Variants in WDPCP observed in about 807,000 individuals in gnomAD.
WDPCP encodes WD repeat-containing and planar cell polarity effector protein fritz homolog.
A neutral mutation model predicts 93.1 loss-of-function variants in WDPCP; 71 were observed. That is an observed-to-expected ratio of 0.76 (90% CI 0.63 to 0.93). The LOEUF is 0.93. Ranked by LOEUF, WDPCP falls within the 40% of genes least tolerant of loss-of-function variation. The pLI, the probability that WDPCP is intolerant of heterozygous loss-of-function variation, is 0.00. For synonymous variants in WDPCP, 315 were observed against 315.0 expected, an observed-to-expected ratio of 1.00 and a Z score of 0.00; for missense variants, 844 against 887.4, an observed-to-expected ratio of 0.95 and a Z score of 0.62.
intron 12 of WDPCP, among the ~76,000 whole-genome samples, chr2:63,329,542 C>T (rs1191414302): frequency 6.6e-6 from 1 of 152,112 alleles, no homozygotes. Flanking sequence ...CCTCACAGAA[C>T]TTCCTAATTT....
chr2:63,788,874 C>A (rs1430939983), intron 2 of WDPCP, among the ~76,000 whole-genome samples: 1 of 152,120 alleles, frequency 6.6e-6, no homozygotes, highest in Non-Finnish European at 1.5e-5. Flanking sequence ...TTCAGTATCA[C>A]ACATATCTAT....
At chr2:63,256,786 G>A (rs7349440) in intron 14 of WDPCP, among the ~76,000 whole-genome samples, 29,017 of 152,052 alleles carry the variant, frequency 0.19, 3,520 homozygotes, top group Non-Finnish European at 0.28. Context: ...TGCAACATAC[G>A]AAAGATTCTC....
intron 6 of WDPCP, among the ~76,000 whole-genome samples, chr2:63,470,050 C>G (rs750623898): frequency 3.3e-5 from 5 of 152,280 alleles, no homozygotes; most frequent in Non-Finnish European, 5.9e-5. Context: ...ACACTCCCTT[C>G]ATTGTGCTCT....
Position 63,728,897 on chromosome 2 carries a change from A to T in WDPCP, n.309-78059T>A, listed in dbSNP as rs911702482. 3.3e-5 allele frequency among the ~76,000 whole-genome samples: 5 copies of T among 152,340 alleles called. No homozygotes were observed. In the East Asian group the frequency reaches 9.6e-4, roughly 29 times the overall value. Reference sequence around the variant, plus strand: ...TCATTCTTCATCTAACTATTCATCCAATCGCTATTTAGGACCAGCACTAAG... The same window carrying T: ...TCATTCTTCATCTAACTATTCATCCTATCGCTATTTAGGACCAGCACTAAG... On this transcript the variant is annotated intron_variant and non_coding_transcript_variant, in intron 2 of 4. Coordinates refer to the WDPCP transcript ENST00000467687.
At chr2:63,398,341 GAAGA>G (rs1693899764) in intron 10 of WDPCP, among the ~76,000 whole-genome samples, 1 of 152,130 alleles carries the variant, frequency 6.6e-6, no homozygotes, top group South Asian at 2.1e-4. Context: ...GTCTATATAT[GAAGA>G]AATATGTTAT....
chr2:63,733,651 G>C (rs1558897660), intron 2 of WDPCP, among the ~76,000 whole-genome samples: 1 of 152,222 alleles, frequency 6.6e-6, no homozygotes, highest in Admixed American at 6.5e-5. Flanking sequence ...GACTGGGATT[G>C]CCAACGACTG....
At position 63,410,109 on chromosome 2, in the gene WDPCP, T is replaced by C. The variant is rs1694915783; in HGVS notation, c.826-5452A>G. ...AGACAAAGGAAAGAATTTTAAGAGC[T>C]GTGAGACAGAAGCACGTGGTAACCT... On this transcript the variant is annotated intron_variant, in intron 9 of 17. Transcript: ENST00000272321. Among the ~76,000 whole-genome samples, 5 of 152,176 alleles carry C rather than the reference T, an allele frequency of 3.3e-5. No individual in the cohort carries two copies. In the South Asian group the frequency reaches 1.0e-3, roughly 31 times the overall value.
At chr2:63,274,424 T>C (rs1325020559) in intron 13 of WDPCP, among the ~76,000 whole-genome samples, 1 of 151,854 alleles carries the variant, frequency 6.6e-6, no homozygotes, top group African/African-American at 2.4e-5. Flanking sequence ...CTGAAGGAAC[T>C]AGAAAAGCAA....
chr2:63,613,719 GC>G (rs1709643067), intron 3 of WDPCP, among the ~76,000 whole-genome samples: 2 of 152,212 alleles, frequency 1.3e-5, no homozygotes, highest in Admixed American at 1.3e-4. Flanking sequence ...GCTTTGTCAT[GC>G]CGAACACTTC....
chr2:63,715,154 G>A (rs1669319766), intron 2 of WDPCP, among the ~76,000 whole-genome samples: 1 of 152,216 alleles, frequency 6.6e-6, no homozygotes, highest in Admixed American at 6.5e-5. Flanking sequence ...CTTGTGGTAA[G>A]TGGGTATGGA....
intron 1 of WDPCP, among the ~76,000 whole-genome samples, chr2:63,581,797 T>C (rs966588101): frequency 2.0e-5 from 3 of 151,964 alleles, no homozygotes; most frequent in African/African-American, 7.2e-5. Context: ...GTTTGAGTCC[T>C]AGAGTTTGAG....
chr2:63,473,233 A>T (rs894035257), intron 6 of WDPCP, among the ~76,000 whole-genome samples: 13 of 152,186 alleles, frequency 8.5e-5, no homozygotes, highest in African/African-American at 3.1e-4. Flanking sequence ...TTTCCAGAGA[A>T]GGATCCTCTA....
intron 2 of WDPCP, among the ~76,000 whole-genome samples, chr2:63,724,839 G>T (rs1669475152): frequency 6.6e-6 from 1 of 152,152 alleles, no homozygotes; most frequent in Non-Finnish European, 1.5e-5. Context: ...GCCCACCTCT[G>T]CCAGCACATG....
At chr2:63,582,041 A>T (rs913182883) in intron 1 of WDPCP, among the ~76,000 whole-genome samples, 2 of 151,928 alleles carry the variant, frequency 1.3e-5, no homozygotes, top group Non-Finnish European at 2.9e-5. Flanking sequence ...GACATTTAAT[A>T]AAAAAAATTA....
Position 63,588,393 on chromosome 2 carries a change from G to A in WDPCP, c.-122C>T. 2 of 1,193,948 alleles carry A rather than the reference G, an allele frequency of 1.7e-6. No homozygotes were observed. The highest frequency in any genetic ancestry group is 1.5e-5 in the African/African-American group (1 of 66,250). 74.0% of individuals were successfully genotyped at this position (1,193,948 alleles called of 1,614,324 possible). ...CGCCGCCGCCGCCACAGTTTCCTCA[G>A]GTGCTACAAAGCAGCCAGGGTGTGC... On this transcript the variant is annotated 5_prime_UTR_variant, in exon 1 of 18. Transcript: ENST00000272321.
chr2:63,258,269 T>C (rs1056069688), intron 14 of WDPCP, among the ~76,000 whole-genome samples: 5 of 152,138 alleles, frequency 3.3e-5, no homozygotes, highest in African/African-American at 1.2e-4. Context: ...GAAACAGAGA[T>C]ATGAAAGTGG....
At chr2:63,228,467 A>C (rs1259912875) in intron 14 of WDPCP, 1 of 136,588 alleles carries the variant, frequency 7.3e-6, no homozygotes, top group African/African-American at 2.8e-5. Context: ...GTTTTAGGGT[A>C]CATGTGCACA....
rs974372585 is a variant in WDPCP at position 63,427,311 on chromosome 2, A to C, written c.825+6434T>G. Among the ~76,000 whole-genome samples the C allele has an allele frequency of 2.6e-5, 4 of 152,330 alleles. No homozygotes were observed. In the South Asian group the frequency reaches 8.3e-4, roughly 32 times the overall value. On this transcript the variant is annotated intron_variant, in intron 9 of 17. Coordinates refer to ENST00000272321, the MANE Select transcript of WDPCP (RefSeq NM_015910.7). ...TTCTTCTCATCTGCACAAGGGACACACTGAAAAACTGACAACCTCCTTAGC... is the reference window on the plus strand; with the variant it reads ...TTCTTCTCATCTGCACAAGGGACACCCTGAAAAACTGACAACCTCCTTAGC...
intron 1 of WDPCP, among the ~76,000 whole-genome samples, chr2:63,556,925 A>G (rs983222760): frequency 4.6e-5 from 7 of 152,222 alleles, no homozygotes; most frequent in African/African-American, 1.7e-4. Context: ...ACTAAGCTTC[A>G]TAAGTGAAGG....
Sources: gnomAD v4.1 joint callset for allele counts (sites outside exome capture counted in the v4.1 genomes callset) on GRCh38, gnomAD v4.1.1 for gene constraint, MANE v1.5 for transcripts, NCBI Gene and HGNC (gene_info 2026-07-23, HGNC 2026-07-21) for gene names.